The following NELFCD variants were observed in gnomAD, a reference collection of about 807,000 sequenced individuals.
NELFCD encodes the protein negative elongation factor C/D.
A neutral mutation model predicts 72.9 loss-of-function variants in NELFCD; 48 were observed. That is an observed-to-expected ratio of 0.66 (90% CI 0.52 to 0.84). The LOEUF (loss-of-function observed/expected upper bound fraction) is 0.84. NELFCD is among the 40% of genes least tolerant of loss of function. The pLI is 0.00. For synonymous variants in NELFCD, 297 were observed against 280.6 expected (o/e 1.06, Z -0.59); for missense variants, 538 against 723.8 (o/e 0.74, Z 2.94).
chr20:58,993,338 G>A lies in NELFCD; in HGVS notation c.1345-111G>A. On this transcript the variant is annotated intron_variant, in intron 11 of 14. Transcript: ENST00000652272. This position sits in a 1 kb window ranked among gnomAD's most constrained non-coding sequence, Gnocchi z 5.0. ...GCTGATGGCCCTGGCTTAGGTGTCA[G>A]GACCTTCTTCCACAGTGATAAGCTC... The A allele has an allele frequency of 9.2e-7, 1 of 1,092,626 alleles. No homozygotes were observed. Among genetic ancestry groups the A allele is most frequent in the Admixed American group, 2.3e-5 (1 of 43,728 alleles). The allele number at this position is 1,092,626 out of a possible 1,614,324, so 67.7% of individuals were successfully genotyped here.
rs73297211 is a variant in NELFCD at position 58,990,724 on chromosome 20, T to C, written c.789-186T>C. ...TTTAAAGTGTGTGACTCCTTTCTTA[T>C]AGAGCCAGCAAGCTGTATTGGAATC... On this transcript the variant is annotated intron_variant, in intron 7 of 14. Transcript: ENST00000652272. 4,891 of 559,236 alleles carry C rather than the reference T, an allele frequency of 8.7e-3. 167 individuals carry two copies. The highest frequency in any genetic ancestry group is 0.077 in the African/African-American group (4,115 of 53,466). The allele number at this position is 559,236 out of a possible 1,614,324, so 34.6% of individuals were successfully genotyped here. A position where few individuals can be genotyped will look rare whatever the true frequency, so the allele number is the denominator to read the frequency against.
chr20:58,987,884 T>A (rs977913159), intron 4 of NELFCD, 67 bp downstream of exon 4: 1 of 1,183,122 alleles, frequency 8.5e-7, no homozygotes, highest in Non-Finnish European at 1.3e-6. Flanking sequence ...CTGTGTACAG[T>A]GGAGCGTGGC....
chr20:58,986,817 T>C lies in NELFCD; in HGVS notation c.240T>C (p.Ala80=), dbSNP rs534382750. The C allele has an allele frequency of 1.5e-5, 24 of 1,614,030 alleles. No individual in the cohort carries two copies. The highest frequency in any genetic ancestry group is 2.0e-5 in the Non-Finnish European group (24 of 1,180,006). Residue 80 remains alanine (A), a synonymous_variant, in exon 3 of 15, where the codon GCT becomes GCC. Transcript: ENST00000652272. This position sits in a 1 kb window ranked among gnomAD's most constrained non-coding sequence, Gnocchi z 4.4. ...VIQLLSENYT[A]VAQTVNLLAE... The stretch of plus-strand genomic sequence containing the variant: ...AGCTCTTATCTGAAAACTACACCGC[T>C]GTGGCCCAGACTGTGAACCTGCTGG...
chr20:58,988,648 C>A (rs559208644), intron 4 of NELFCD, among the ~76,000 whole-genome samples: 70 of 152,216 alleles, frequency 4.6e-4, no homozygotes, highest in African/African-American at 1.6e-3. Flanking sequence ...CAGCTCTATG[C>A]GGTTCTCGGT....
rs2091816167 is a variant in NELFCD, at chr20:58,991,404, C to T, written c.1047C>T (p.His349=). The change falls in exon 9 of 15, where the codon CAC becomes CAT. Residue 349 remains histidine, a synonymous_variant. Transcript: ENST00000652272. ...INQDHKHKYI[H]ILAYAASVVE... ...AGGACCACAAGCACAAATACATCCA[C>T]ATCTTGGCGTACGCAGCAAGCGTGG... The T allele has an allele frequency of 2.5e-6, 4 of 1,614,244 alleles. No homozygotes were observed. The highest frequency in any genetic ancestry group is 3.4e-6 in the Non-Finnish European group (4 of 1,180,042).
rs77055003 is a variant in NELFCD at position 58,994,079 on chromosome 20, G to A, written c.1582-31G>A. On this transcript the variant is annotated intron_variant, in intron 13 of 14. Transcript: ENST00000652272. ...CGGTGGATGCCCCGCACTAGTGTGC[G>A]GAAGAAGTCACCCTGTGCTCCCCCA... is the stretch of plus-strand genomic sequence containing the variant. 1.1e-3 allele frequency: 1,825 copies of A among 1,612,134 alleles called. 19 individuals are homozygous for A. The African/African-American group carries it at 0.019, about 17-fold the overall frequency.
chr20:58,983,812 C>G (rs147633676), intron 1 of NELFCD, among the ~76,000 whole-genome samples: 1 of 152,068 alleles, frequency 6.6e-6, no homozygotes. Flanking sequence ...AGACCAAGCA[C>G]GTGAGTTATT....
chr20:58,981,821 G>A (rs1329035886), intron 1 of NELFCD, among the ~76,000 whole-genome samples: 1 of 152,214 alleles, frequency 6.6e-6, no homozygotes, highest in Non-Finnish European at 1.5e-5. Context: ...AGAACTTAGG[G>A]CATTCCTACA....
chr20:58,991,428 G>T lies in NELFCD; in HGVS notation c.1071G>T (p.Val357=). 1 of 1,614,218 alleles carries T rather than the reference G, an allele frequency of 6.2e-7. No homozygotes were observed. The highest frequency in any genetic ancestry group is 8.5e-7 in the Non-Finnish European group (1 of 1,180,048). Residue 357 remains valine, a synonymous_variant, in exon 9 of 15, where the codon GTG becomes GTT. Transcript: ENST00000652272. ...YIHILAYAAS[V]VETWKKNKRV... ...ACATCTTGGCGTACGCAGCAAGCGT[G>T]GTTGAGACCTGGAAGAAGGTACCAT...
chr20:58,990,132 C>A, intron 7 of NELFCD, 144 bp downstream of exon 7: 1 of 1,113,998 alleles, frequency 9.0e-7, no homozygotes, highest in Non-Finnish European at 1.3e-6. Flanking sequence ...CGTGGTGGCT[C>A]ACGCCTGTAA....
intron 10 of NELFCD, 148 bp from the exon 11 acceptor site, chr20:58,992,850 A>C: frequency 5.3e-6 from 1 of 189,546 alleles, no homozygotes; most frequent in Non-Finnish European, 1.0e-5. Context: ...CCCTGTCTCA[A>C]AAAAAAAAAA....
rs897630095 is a variant in NELFCD at position 58,989,884 on chromosome 20, G to A, written c.684G>A (p.Thr228=). ...FAKMVCHGEH[T]YLFAQAMMSV... ...AGATGGTGTGCCACGGGGAGCACAC[G>A]TACCTGTTTGCCCAGGCCATGATGT... Residue 228 remains threonine, a synonymous_variant, in exon 7 of 15, where the codon ACG becomes ACA. Coordinates refer to ENST00000652272, the MANE Select transcript of NELFCD (RefSeq NM_198976.4). The A allele has an allele frequency of 6.2e-7, 1 of 1,614,186 alleles. No individual in the cohort carries two copies. The highest frequency in any genetic ancestry group is 8.5e-7 in the Non-Finnish European group (1 of 1,180,040).
At chr20:58,985,416 G>A (rs1355796294) in intron 1 of NELFCD, among the ~76,000 whole-genome samples, 1 of 152,200 alleles carries the variant, frequency 6.6e-6, no homozygotes, top group Non-Finnish European at 1.5e-5. Context: ...TAGTTAGGGT[G>A]GCAGTGTTAA....
At position 58,991,385 on chromosome 20, in the gene NELFCD, A is replaced by G; in HGVS notation, c.1028A>G (p.His343Arg). 2.5e-6 allele frequency: 4 copies of G among 1,614,252 alleles called. No homozygotes were observed. Among genetic ancestry groups the G allele is most frequent in the East Asian group, 2.2e-5 (1 of 44,892 alleles). The change falls in exon 9 of 15, where the codon CAC becomes CGC. Residue 343 changes from histidine (H) to arginine (R), a missense_variant. His to Arg is a conservative substitution (Grantham distance 29). Transcript: ENST00000652272. ...FKPGARINQD[H>R]KHKYIHILAY... The stretch of plus-strand genomic sequence containing the variant: ...CCAGGGGCTCGGATCAACCAGGACC[A>G]CAAGCACAAATACATCCACATCTTG...
chr20:58,990,845 G>T (rs2091810809), intron 7 of NELFCD, 65 bp from the exon 8 acceptor site: 1 of 1,429,890 alleles, frequency 7.0e-7, no homozygotes, highest in Non-Finnish European at 9.7e-7. Flanking sequence ...TATTATATGT[G>T]TAAAAAAGAA....
Position 58,994,163 on chromosome 20 carries a change from C to A in NELFCD, c.1635C>A (p.Leu545=). 1 of 1,614,192 alleles carries A rather than the reference C, an allele frequency of 6.2e-7. No homozygotes were observed. The highest frequency in any genetic ancestry group is 8.5e-7 in the Non-Finnish European group (1 of 1,179,994). ...PYTSDFVQLF[L]PILENDSIAG... Reference sequence around the variant, plus strand: ...CCTCTGACTTCGTGCAACTTTTCCTCCCCATCCTGGAGAATGACAGCATCG... The same window carrying A: ...CCTCTGACTTCGTGCAACTTTTCCTACCCATCCTGGAGAATGACAGCATCG... The change falls in exon 14 of 15, where the codon CTC becomes CTA. Residue 545 remains leucine, a synonymous_variant. Coordinates refer to ENST00000652272, the MANE Select transcript of NELFCD (RefSeq NM_198976.4).
rs1019323632 is a variant in NELFCD at position 58,993,706 on chromosome 20, G to A, written c.1523G>A (p.Arg508Gln). 13 of 1,614,102 alleles carry A rather than the reference G, an allele frequency of 8.1e-6. No homozygotes were observed. Among genetic ancestry groups the A allele is most frequent in the Middle Eastern group, 1.6e-4 (1 of 6,084 alleles). ...GTACTTCCTGTTGTCAGTTACATCC[G>A]AAAGTGTCTGGAGAAGCTGGACACT... ...GYVLPVVSYI[R>Q]KCLEKLDTDI... The change falls in exon 13 of 15, where the codon CGA (arginine) becomes CAA (glutamine). Residue 508 changes from arginine to glutamine, a missense_variant. Physicochemically the swap from Arg to Gln is conservative, Grantham distance 43 (BLOSUM62 1). Transcript: ENST00000652272. The surrounding 1 kb of genome is among the most constrained non-coding windows in gnomAD (Gnocchi z 5.0).
Position 58,986,313 on chromosome 20 carries a change from GAACT to G in NELFCD, c.176+108_176+111del, listed in dbSNP as rs980813554. ...ATGTAAAGCAAGAGTAACGCGAACT[GAACT>G]AAAGGCTTCAAGGGGGGGTCCCCTC... On this transcript the variant is annotated intron_variant, in intron 2 of 14. Transcript: ENST00000652272. The surrounding 1 kb of genome is among the most constrained non-coding windows in gnomAD (Gnocchi z 4.4). The G allele has an allele frequency of 1.4e-4, 103 of 733,840 alleles. No homozygotes were observed. Among genetic ancestry groups the G allele is most frequent in the Non-Finnish European group, 2.1e-4 (89 of 433,806 alleles). The allele number at this position is 733,840 out of a possible 1,614,324, so 45.5% of individuals were successfully genotyped here.
Position 58,990,847 on chromosome 20 carries a change from A to G in NELFCD, c.789-63A>G, listed in dbSNP as rs1012270787. 1.0e-5 allele frequency: 15 copies of G among 1,447,924 alleles called. No individual in the cohort carries two copies. The African/African-American group carries it at 1.8e-4, about 18-fold the overall frequency. 89.7% of individuals were successfully genotyped at this position (1,447,924 alleles called of 1,614,324 possible). A position where few individuals can be genotyped will look rare whatever the true frequency, so the allele number is the denominator to read the frequency against. ...CAACAATGCAAAGTATTATATGTGT[A>G]AAAAAGAACAGAAAAAAGAAGCTGC... On this transcript the variant is annotated intron_variant, in intron 7 of 14. Coordinates refer to ENST00000652272, the MANE Select transcript of NELFCD (RefSeq NM_198976.4).
Sources: gnomAD v4.1 joint callset for allele counts (sites outside exome capture counted in the v4.1 genomes callset) on GRCh38, gnomAD v4.1.1 for gene constraint, Gnocchi (gnomAD v3.1) non-coding constraint, MANE v1.5 for transcripts, NCBI Gene and HGNC (gene_info 2026-07-23, HGNC 2026-07-21) for gene names.